Variants in NCOA5 observed in about 807,000 individuals in gnomAD.
The protein encoded by NCOA5 is nuclear receptor coactivator 5, also known as NCoA-5.
NCOA5 carries 12 observed loss-of-function variants against 59.0 expected under a neutral mutation model. That is an observed-to-expected ratio of 0.20 (90% confidence interval 0.13 to 0.33). The LOEUF is 0.33. Ranked by LOEUF, NCOA5 falls within the 10% of genes least tolerant of loss-of-function variation. NCOA5 has a pLI of 1.00. For synonymous variants in NCOA5, 270 were observed against 275.5 expected (o/e 0.98, Z 0.20); for missense variants, 655 against 766.6 (o/e 0.85, Z 1.72).
At chr20:46,083,362 T>G (rs1469253601) in intron 1 of NCOA5, among the ~76,000 whole-genome samples, 1 of 152,238 alleles carries the variant, frequency 6.6e-6, no homozygotes. Context: ...AACTCTGAAA[T>G]GACCAATCCG....
At chr20:46,087,561 T>C (rs998186395) in intron 1 of NCOA5, among the ~76,000 whole-genome samples, 2 of 152,138 alleles carry the variant, frequency 1.3e-5, no homozygotes, top group Admixed American at 1.3e-4. Context: ...AGTTCGAGAC[T>C]AGCCTGACCA....
At chr20:46,087,529 G>A (rs966300753) in intron 1 of NCOA5, among the ~76,000 whole-genome samples, 16 of 152,128 alleles carry the variant, frequency 1.1e-4, no homozygotes, top group Non-Finnish European at 4.4e-5. Context: ...AGGCAGAGGC[G>A]GGCAGATCAC....
chr20:46,085,438 T>C (rs759769397), intron 1 of NCOA5, among the ~76,000 whole-genome samples: 7 of 151,172 alleles, frequency 4.6e-5, no homozygotes, highest in Non-Finnish European at 1.0e-4. Context: ...TGTGTATGTG[T>C]GTGGCAGGTG....
At chr20:46,079,617 T>C (rs1259542208) in intron 1 of NCOA5, among the ~76,000 whole-genome samples, 164 bp from the exon 2 acceptor site, 1 of 152,216 alleles carries the variant, frequency 6.6e-6, no homozygotes, top group Non-Finnish European at 1.5e-5. Context: ...ATTTTTATTA[T>C]TGAGTTAAGG....
chr20:46,078,425 C>T (rs1263035478), intron 2 of NCOA5, among the ~76,000 whole-genome samples: 1 of 152,218 alleles, frequency 6.6e-6, no homozygotes, highest in Admixed American at 6.5e-5. Flanking sequence ...CGAGGATTCA[C>T]TGTATGCAGC....
chr20:46,070,674 T>G (rs778476574), intron 2 of NCOA5, 138 bp from the exon 3 acceptor site: 3 of 725,716 alleles, frequency 4.1e-6, no homozygotes, highest in Non-Finnish European at 6.8e-6. Context: ...GACTCAACAT[T>G]TAAGGCCAGT....
intron 1 of NCOA5, among the ~76,000 whole-genome samples, chr20:46,089,533 C>A (rs922691526): frequency 6.6e-6 from 1 of 152,308 alleles, no homozygotes; most frequent in Middle Eastern, 3.4e-3. Flanking sequence ...ACCGACCGTT[C>A]GTGCACAGAC....
At chr20:46,063,733 C>T (rs746875613) in intron 6 of NCOA5, 53 bp from the exon 7 acceptor site, 199 of 1,514,312 alleles carry the variant, frequency 1.3e-4, no homozygotes, top group Middle Eastern at 1.7e-4. Context: ...TTTAAGTGCC[C>T]ACCTGCTGCA....
chr20:46,082,179 T>C (rs150686276), intron 1 of NCOA5, among the ~76,000 whole-genome samples: 1 of 152,202 alleles, frequency 6.6e-6, no homozygotes, highest in Non-Finnish European at 1.5e-5. Flanking sequence ...AGAAAACATG[T>C]AGGAAATGAC....
Position 46,070,201 on chromosome 20 carries a change from C to G in NCOA5, c.365+9G>C. ...CAGGAAAAAACAAGCAGAGTAACTA[C>G]GTATGTACCTGTACATAGGATCTCG... On this transcript the variant is annotated intron_variant, in intron 3 of 7. Transcript: ENST00000290231. The G allele has an allele frequency of 6.2e-7, 1 of 1,602,782 alleles. No homozygotes were observed. The highest frequency in any genetic ancestry group is 1.7e-5 in the Admixed American group (1 of 59,644).
chr20:46,069,752 A>G (rs1245775906), intron 3 of NCOA5, among the ~76,000 whole-genome samples: 1 of 151,786 alleles, frequency 6.6e-6, no homozygotes, highest in Non-Finnish European at 1.5e-5. Flanking sequence ...AAAAAAATCC[A>G]TTAATCTGCT....
Position 46,063,544 on chromosome 20 carries a change from C to T in NCOA5, c.966G>A (p.Leu322=). 2 of 1,614,216 alleles carry T rather than the reference C, an allele frequency of 1.2e-6. No homozygotes were observed. Among genetic ancestry groups the T allele is most frequent in the Non-Finnish European group, 1.7e-6 (2 of 1,180,048 alleles). The part of the protein sequence containing the change: ...QAAKMADEAI[L]QERERGGPEE... ...CAGGGCCTCCTCTCTCTCTTTCCTG[C>T]AGGATGGCTTCATCGGCCATCTTGG... The change falls in exon 7 of 8, where the codon CTG becomes CTA. Residue 322 remains leucine, a synonymous_variant. Transcript: ENST00000290231.
intron 4 of NCOA5, 44 bp downstream of exon 4, chr20:46,068,458 A>C: frequency 6.4e-7 from 1 of 1,563,956 alleles, no homozygotes. Context: ...TCTTTTGTAA[A>C]GTGTTCTATC....
At chr20:46,088,605 G>A (rs576429231) in intron 1 of NCOA5, among the ~76,000 whole-genome samples, 2 of 152,324 alleles carry the variant, frequency 1.3e-5, no homozygotes, top group Admixed American at 1.3e-4. Context: ...ACATCACAAC[G>A]CTGTAAGAAA....
At chr20:46,087,426 A>T (rs1452965486) in intron 1 of NCOA5, among the ~76,000 whole-genome samples, 1 of 152,208 alleles carries the variant, frequency 6.6e-6, no homozygotes, top group African/African-American at 2.4e-5. Flanking sequence ...TCAAACCAAT[A>T]AATCTTTTCT....
At chr20:46,080,320 A>G (rs1489809576) in intron 1 of NCOA5, among the ~76,000 whole-genome samples, 1 of 152,206 alleles carries the variant, frequency 6.6e-6, no homozygotes, top group Non-Finnish European at 1.5e-5. Flanking sequence ...CCCCAAAATA[A>G]TACCTGACAG....
chr20:46,070,461 C>A lies in NCOA5; in HGVS notation c.114G>T (p.Glu38Asp). ...RSPIRGSPRR[E>D]PRDGRNGRDA... Reference sequence around the variant, plus strand: ...CCCGGCCATTTCTGCCATCCCTGGGCTCTCTCCTTGGACTTCCTCGAATTG... The same window carrying A: ...CCCGGCCATTTCTGCCATCCCTGGGATCTCTCCTTGGACTTCCTCGAATTG... The change falls in exon 3 of 8, where the codon GAG becomes GAT. Residue 38 changes from glutamate (E) to aspartate (D), a missense_variant. Coordinates refer to ENST00000290231, the MANE Select transcript of NCOA5 (RefSeq NM_020967.3). The A allele has an allele frequency of 6.2e-7, 1 of 1,614,102 alleles. No individual in the cohort carries two copies. Among genetic ancestry groups the A allele is most frequent in the Non-Finnish European group, 8.5e-7 (1 of 1,180,020 alleles).
intron 6 of NCOA5, among the ~76,000 whole-genome samples, 153 bp from the exon 7 acceptor site, chr20:46,063,833 G>A (rs1040503363): frequency 3.3e-5 from 5 of 152,168 alleles, no homozygotes; most frequent in Admixed American, 3.3e-4. Flanking sequence ...GGTGTGGGGG[G>A]AGAGATGAAG....
chr20:46,085,927 C>A lies in NCOA5; in HGVS notation c.-30+3890G>T, dbSNP rs76030456. ...TTCAAAATATTGCCCATTTTAGTAA[C>A]ATTCTTCAAAGACCATTGGTTTGAC... On this transcript the variant is annotated intron_variant, in intron 1 of 7. Coordinates refer to ENST00000290231, the MANE Select transcript of NCOA5 (RefSeq NM_020967.3). Among the ~76,000 whole-genome samples the A allele has an allele frequency of 5.8e-4, 88 of 152,258 alleles. 4 individuals are homozygous for A. Among genetic ancestry groups the A allele is most frequent in the Admixed American group, 3.4e-3 (52 of 15,300 alleles).
Sources: gnomAD v4.1 joint callset for allele counts (sites outside exome capture counted in the v4.1 genomes callset) on GRCh38, gnomAD v4.1.1 for gene constraint, MANE v1.5 for transcripts, NCBI Gene and HGNC (gene_info 2026-07-23, HGNC 2026-07-21) for gene names.